CSPP1: variants seen among roughly 807,000 people sequenced by gnomAD.
CSPP1 encodes centrosome and spindle pole-associated protein 1.
In CSPP1, 126 loss-of-function variants were observed where a neutral mutation model predicts 164.4. The ratio of observed to expected loss-of-function variants is 0.77; its 90% CI spans 0.66 to 0.89. The LOEUF (loss-of-function observed/expected upper bound fraction) is 0.89, where lower values mean the gene tolerates loss of function less well. Ranked by LOEUF, CSPP1 falls within the 40% of genes least tolerant of loss-of-function variation. The pLI, the probability that CSPP1 is intolerant of heterozygous loss-of-function variation, is 0.00. For missense variants in CSPP1, 1,395 were observed against 1,449.8 expected, an observed-to-expected ratio of 0.96 and a Z score of 0.61; for synonymous variants, 472 against 476.7, an observed-to-expected ratio of 0.99 and a Z score of 0.13.
intron 19 of CSPP1, chr8:67,157,893 T>C (rs1396961516): frequency 6.6e-6 from 1 of 152,124 alleles, no homozygotes; most frequent in African/African-American, 2.4e-5. Context: ...CTCCACCTAA[T>C]AGTTTTAGTT....
intron 16 of CSPP1, among the ~76,000 whole-genome samples, chr8:67,136,147 A>T (rs1822217494): frequency 6.6e-6 from 1 of 152,238 alleles, no homozygotes; most frequent in South Asian, 2.1e-4. Context: ...TAATAATTTA[A>T]AAAGTTTGAA....
intron 1 of CSPP1, among the ~76,000 whole-genome samples, chr8:67,068,799 G>C (rs1006021106): frequency 6.6e-6 from 1 of 152,204 alleles, no homozygotes; most frequent in African/African-American, 2.4e-5. Context: ...AGGCCGCTCT[G>C]TGTCTATGAT....
In CSPP1 at chr8:67,172,467, G is replaced by T; in HGVS notation, c.2880G>T (p.Leu960Phe). 1 of 1,613,104 alleles carries T rather than the reference G, an allele frequency of 6.2e-7. No individual in the cohort carries two copies. Among genetic ancestry groups the T allele is most frequent in the South Asian group, 1.1e-5 (1 of 91,068 alleles). ...MDIFDMARHR[L>F]QAPVRRQSPK... ...TATTTGATATGGCTAGACATCGGTT[G>T]CAAGCTCCTGTCAGAAGACAGTCCC... Residue 960 changes from leucine (L) to phenylalanine (F), a missense_variant, in exon 25 of 31, where the codon TTG (leucine) becomes TTT (phenylalanine). Leu to Phe is a conservative substitution (Grantham distance 22, BLOSUM62 0). Coordinates refer to ENST00000678616, the MANE Select transcript of CSPP1 (RefSeq NM_001382391.1).
At position 67,163,802 on chromosome 8, in the gene CSPP1, G is replaced by A; in HGVS notation, c.2710+4G>A. The A allele has an allele frequency of 6.2e-7, 1 of 1,604,668 alleles. No individual in the cohort carries two copies. ...AAAAATCAGCTCCGTGCAGAAGGTA[G>A]AGTTAACTACTAAACCTGTTACCTA... On this transcript the variant is annotated splice_donor_region_variant and intron_variant, in intron 23 of 30. Coordinates refer to ENST00000678616, the MANE Select transcript of CSPP1 (RefSeq NM_001382391.1).
At chr8:67,174,657 TG>T (rs1831181457) in intron 25 of CSPP1, 1 of 151,894 alleles carries the variant, frequency 6.6e-6, no homozygotes, top group South Asian at 2.1e-4. Flanking sequence ...CCCAGCTACT[TG>T]GGAGACTGAG....
rs758579776 is a variant in CSPP1, at chr8:67,116,099, C to T, written c.1473C>T (p.Ala491=). 4 of 1,613,610 alleles carry T rather than the reference C, an allele frequency of 2.5e-6. No homozygotes were observed. In the South Asian group the frequency reaches 3.3e-5, roughly 13 times the overall value. ...NEDLRSGLSS[A]LGEMVSPRIA... ...ATTTGCGCAGTGGACTCAGCAGCGC[C>T]CTTGGTGAAATGGTGTCTCCCAGGT... Residue 491 remains alanine (A), a synonymous_variant, in exon 13 of 31, where the codon GCC becomes GCT. Coordinates refer to ENST00000678616, the MANE Select transcript of CSPP1 (RefSeq NM_001382391.1).
intron 18 of CSPP1, 61 bp downstream of exon 18, chr8:67,149,996 A>G: frequency 2.2e-6 from 3 of 1,354,192 alleles, no homozygotes; most frequent in Non-Finnish European, 2.8e-6. Context: ...GTTCAGTAAC[A>G]TTTCTGTTCT....
chr8:67,191,163 T>C (rs1451867553), intron 29 of CSPP1, among the ~76,000 whole-genome samples: 3 of 152,234 alleles, frequency 2.0e-5, no homozygotes, highest in Non-Finnish European at 2.9e-5. Flanking sequence ...GCAAGAAGGC[T>C]GAGATTCAAA....
intron 2 of CSPP1, 56 bp downstream of exon 2, chr8:67,074,407 C>T: frequency 9.5e-7 from 1 of 1,054,110 alleles, no homozygotes; most frequent in East Asian, 2.6e-5. Flanking sequence ...ATGGAGATTA[C>T]TCCTGTGTAA....
chr8:67,152,380 GTTCA>G (rs1825881147), intron 18 of CSPP1, among the ~76,000 whole-genome samples: 1 of 152,026 alleles, frequency 6.6e-6, no homozygotes, highest in Non-Finnish European at 1.5e-5. Flanking sequence ...CCTTTATAAT[GTTCA>G]TTATTTTTTC....
At chr8:67,158,016 A>G (rs1414920479) in intron 19 of CSPP1, among the ~76,000 whole-genome samples, 3 of 152,250 alleles carry the variant, frequency 2.0e-5, no homozygotes, top group Non-Finnish European at 2.9e-5. Context: ...TTATTTTAGA[A>G]TAATCAATTC....
At chr8:67,073,489 A>T (rs902773196) in intron 1 of CSPP1, among the ~76,000 whole-genome samples, 6 of 152,192 alleles carry the variant, frequency 3.9e-5, no homozygotes, top group African/African-American at 1.4e-4. Flanking sequence ...AAGGCAAAAG[A>T]GATATAGCAG....
At chr8:67,129,467 A>G (rs1263954027) in intron 15 of CSPP1, among the ~76,000 whole-genome samples, 1 of 152,230 alleles carries the variant, frequency 6.6e-6, no homozygotes, top group Non-Finnish European at 1.5e-5. Flanking sequence ...AGGAAATGGC[A>G]GTTCCTTAAA....
chr8:67,130,845 G>A (rs965770598), intron 15 of CSPP1, among the ~76,000 whole-genome samples: 12 of 151,788 alleles, frequency 7.9e-5, no homozygotes, highest in Non-Finnish European at 1.8e-4. Flanking sequence ...AAAATTAGCC[G>A]GGCGTGGTGG....
chr8:67,123,941 C>T (rs1281972988), intron 15 of CSPP1, among the ~76,000 whole-genome samples: 1 of 146,278 alleles, frequency 6.8e-6, no homozygotes, highest in Non-Finnish European at 1.5e-5. Context: ...TCGCTGTTGC[C>T]CAGGCTGGAG....
Position 67,193,537 on chromosome 8 carries a change from T to TTATA in CSPP1, c.3406_3407insTATA (p.Arg1136IlefsTer2), listed in dbSNP as rs1175214174. 2.5e-6 allele frequency: 4 copies of TTATA among 1,613,296 alleles called. No homozygotes were observed. The African/African-American group carries it at 5.3e-5, about 22-fold the overall frequency. On this transcript the variant is annotated frameshift_variant, in exon 30 of 31. Transcript: ENST00000678616. LOFTEE classifies it high-confidence loss of function. ...ATATCCAGTGTAAATGTTGATGAGCTTAGAGTGAGAAATGAGGAACGAATG... is the reference window on the plus strand; with the variant it reads ...ATATCCAGTGTAAATGTTGATGAGCTTATATAGAGTGAGAAATGAGGAACGAATG...
chr8:67,173,388 A>C (rs977399250), intron 25 of CSPP1: 10 of 152,188 alleles, frequency 6.6e-5, no homozygotes, highest in Non-Finnish European at 1.5e-4. Context: ...GGAGGAACCA[A>C]ATGTGTGTTG....
chr8:67,189,576 T>G (rs1835630869), intron 28 of CSPP1, among the ~76,000 whole-genome samples: 1 of 152,242 alleles, frequency 6.6e-6, no homozygotes, highest in Non-Finnish European at 1.5e-5. Flanking sequence ...AATCTGAATA[T>G]CAATTATATG....
At chr8:67,102,588 CA>C (rs201720144) in intron 7 of CSPP1, among the ~76,000 whole-genome samples, 2 of 149,462 alleles carry the variant, frequency 1.3e-5, no homozygotes, top group Non-Finnish European at 3.0e-5. Flanking sequence ...GACTCCGTCT[CA>C]AAAAAAAAGA....
Sources: gnomAD v4.1 joint callset for allele counts (sites outside exome capture counted in the v4.1 genomes callset) on GRCh38, gnomAD v4.1.1 for gene constraint, MANE v1.5 for transcripts, NCBI Gene and HGNC (gene_info 2026-07-23, HGNC 2026-07-21) for gene names.